SCUBE1: variants seen among roughly 807,000 people sequenced by gnomAD.
SCUBE1 encodes the protein signal peptide, CUB and EGF-like domain-containing protein 1.
SCUBE1 carries 59 observed loss-of-function variants against 124.4 expected under a neutral mutation model. The observed-to-expected ratio is 0.47, with a 90% CI of 0.38 to 0.59. The LOEUF (loss-of-function observed/expected upper bound fraction) is 0.59, where lower values mean the gene tolerates loss of function less well. Ranked by LOEUF, SCUBE1 falls within the 20% of genes least tolerant of loss-of-function variation. SCUBE1 has a pLI of 0.00. For missense variants in SCUBE1, 1,150 were observed against 1,371.2 expected, an observed-to-expected ratio of 0.84 and a Z score of 2.55; for synonymous variants, 545 against 550.9, an observed-to-expected ratio of 0.99 and a Z score of 0.15.
intron 3 of SCUBE1, among the ~76,000 whole-genome samples, chr22:43,319,078 G>C (rs1404381773): frequency 6.6e-6 from 1 of 152,106 alleles, no homozygotes; most frequent in Non-Finnish European, 1.5e-5. Flanking sequence ...AGAAGATGGA[G>C]GTATATAAAA....
chr22:43,238,662 C>T (rs1922868397), intron 7 of SCUBE1, 176 bp downstream of exon 7: 2 of 688,832 alleles, frequency 2.9e-6, no homozygotes. Flanking sequence ...TGCTGCTGGC[C>T]AGCCCTCCCT....
chr22:43,279,336 G>A (rs956555520), intron 4 of SCUBE1, among the ~76,000 whole-genome samples: 2 of 152,190 alleles, frequency 1.3e-5, no homozygotes, highest in Admixed American at 6.5e-5. Context: ...GACAGTGGCC[G>A]CCTCGGTGCA....
At chr22:43,253,225 A>T (rs1001513632) in intron 6 of SCUBE1, among the ~76,000 whole-genome samples, 2 of 152,224 alleles carry the variant, frequency 1.3e-5, no homozygotes, top group African/African-American at 4.8e-5. Context: ...TGGGGCCTGA[A>T]GTCCAACAGG....
rs17003585 is a variant in SCUBE1, at chr22:43,269,519, G to T, written c.485-6674C>A. ...GCCTCCTGAGGGTCGTTGCTATGGCGACTTCATCAATAACATCATTTTCTG... is the reference window on the plus strand; with the variant it reads ...GCCTCCTGAGGGTCGTTGCTATGGCTACTTCATCAATAACATCATTTTCTG... On this transcript the variant is annotated intron_variant, in intron 4 of 21. Transcript: ENST00000360835. Among the ~76,000 whole-genome samples the T allele has an allele frequency of 0.014, 2,204 of 152,238 alleles. 76 individuals carry two copies. The East Asian group carries it at 0.15, about 10-fold the overall frequency.
intron 12 of SCUBE1, among the ~76,000 whole-genome samples, chr22:43,222,350 A>C (rs1922124666): frequency 6.6e-6 from 1 of 152,212 alleles, no homozygotes; most frequent in Non-Finnish European, 1.5e-5. Flanking sequence ...ATACAGTCTG[A>C]GATCTGTGCA....
At chr22:43,221,091 G>T in intron 13 of SCUBE1, 82 bp downstream of exon 13, 2 of 1,030,638 alleles carry the variant, frequency 1.9e-6, no homozygotes, top group South Asian at 1.3e-5. Flanking sequence ...AGACTCGCTG[G>T]ACCCTGGGGC....
At chr22:43,268,452 G>A (rs934368263) in intron 4 of SCUBE1, among the ~76,000 whole-genome samples, 7 of 152,220 alleles carry the variant, frequency 4.6e-5, no homozygotes, top group Non-Finnish European at 1.0e-4. Flanking sequence ...CAGGCGGCCC[G>A]CCAGGTCGAA....
chr22:43,204,009 C>T lies in SCUBE1; in HGVS notation c.2955G>A (p.Arg985=). 1 of 1,614,134 alleles carries T rather than the reference C, an allele frequency of 6.2e-7. No individual in the cohort carries two copies. Among genetic ancestry groups the T allele is most frequent in the Non-Finnish European group, 8.5e-7 (1 of 1,180,012 alleles). Reference sequence around the variant, plus strand: ...CCGCTCCCCCCGGTTATTTGTAGGGCCGCAGGAACCGAGACACTTTGGAGC... The same window carrying T: ...CCGCTCCCCCCGGTTATTTGTAGGGTCGCAGGAACCGAGACACTTTGGAGC... ...LLRSKVSRFL[R]PYK Residue 985 remains arginine, a synonymous_variant, in exon 22 of 22, where the codon CGG becomes CGA. Transcript: ENST00000360835.
chr22:43,275,094 C>T (rs544531350), intron 4 of SCUBE1, among the ~76,000 whole-genome samples: 14 of 152,230 alleles, frequency 9.2e-5, no homozygotes, highest in Admixed American at 2.6e-4. Flanking sequence ...GATGTGGAGG[C>T]GAGGCTGGGC....
At chr22:43,261,153 C>T (rs778071276) in intron 5 of SCUBE1, among the ~76,000 whole-genome samples, 23 of 152,326 alleles carry the variant, frequency 1.5e-4, no homozygotes, top group Middle Eastern at 3.4e-3. Context: ...TCACACAACA[C>T]GGGGGACTGG....
chr22:43,199,241 A>G lies in SCUBE1; in HGVS notation c.*4756T>C, dbSNP rs186256406. 8 of 175,768 alleles carry G rather than the reference A, an allele frequency of 4.6e-5. No individual in the cohort carries two copies. In the East Asian group the frequency reaches 1.2e-3, roughly 26 times the overall value. 10.9% of individuals were successfully genotyped at this position (175,768 alleles called of 1,614,324 possible). On this transcript the variant is annotated 3_prime_UTR_variant, in exon 22 of 22. Transcript: ENST00000360835. ...TTTTTCTGCTGGGGGTGGTGGAGGC[A>G]CCGGAATAATATTCAACTCCAAAAA... is the stretch of plus-strand genomic sequence containing the variant.
At chr22:43,329,934 G>A (rs766041763) in intron 2 of SCUBE1, among the ~76,000 whole-genome samples, 1 of 152,096 alleles carries the variant, frequency 6.6e-6, no homozygotes, top group South Asian at 2.1e-4. Context: ...AATAAGAAGC[G>A]GCTAAGAGGA....
rs1396710012 is a variant in SCUBE1, at chr22:43,202,792, G to C, written c.*1205C>G. 1 of 152,306 alleles carries C rather than the reference G, an allele frequency of 6.6e-6. No homozygotes were observed. Among genetic ancestry groups the C allele is most frequent in the Non-Finnish European group, 1.5e-5 (1 of 68,112 alleles). 9.4% of individuals were successfully genotyped at this position (152,306 alleles called of 1,614,324 possible). On this transcript the variant is annotated 3_prime_UTR_variant, in exon 22 of 22. Coordinates refer to ENST00000360835, the MANE Select transcript of SCUBE1 (RefSeq NM_173050.5). The stretch of plus-strand genomic sequence containing the variant: ...TGGGGGTGGCATGGCGTAGCAAGAG[G>C]AGGCTGCACTGGGAGCCTGGCCTCT...
chr22:43,224,669 C>T (rs185721172), intron 10 of SCUBE1, among the ~76,000 whole-genome samples: 11 of 152,250 alleles, frequency 7.2e-5, no homozygotes, highest in South Asian at 4.1e-4. Flanking sequence ...TCTGCCAACA[C>T]GTGAAAGGAG....
intron 4 of SCUBE1, among the ~76,000 whole-genome samples, chr22:43,287,097 CTTA>C (rs1925176384): frequency 6.6e-6 from 1 of 152,118 alleles, no homozygotes; most frequent in Admixed American, 6.5e-5. Flanking sequence ...ATTGTCAGTA[CTTA>C]TTGGGCTAGG....
intron 7 of SCUBE1, among the ~76,000 whole-genome samples, chr22:43,236,268 C>A (rs1376468154): frequency 2.0e-5 from 3 of 152,222 alleles, no homozygotes; most frequent in Non-Finnish European, 4.4e-5. Flanking sequence ...AACCCTGGGG[C>A]TGGAGGCCAC....
intron 5 of SCUBE1, 109 bp downstream of exon 5, chr22:43,262,610 TG>T: frequency 2.3e-6 from 3 of 1,314,220 alleles, no homozygotes; most frequent in Non-Finnish European, 3.2e-6. Context: ...CTCCACCCCA[TG>T]GGGCTGGGGA....
Position 43,225,396 on chromosome 22 carries a change from G to A in SCUBE1, c.1207+1978C>T, listed in dbSNP as rs186002601. 5.3e-5 allele frequency among the ~76,000 whole-genome samples: 8 copies of A among 152,082 alleles called. No individual in the cohort carries two copies. In the East Asian group the frequency reaches 7.8e-4, roughly 15 times the overall value. On this transcript the variant is annotated intron_variant, in intron 10 of 21. Coordinates refer to ENST00000360835, the MANE Select transcript of SCUBE1 (RefSeq NM_173050.5). ...GATATCGCTGGATAGTTATTGTCCC[G>A]GATGATCAGATCTGTATCACAATGA...
chr22:43,204,683 A>G (rs1420606155), intron 21 of SCUBE1, among the ~76,000 whole-genome samples: 1 of 151,614 alleles, frequency 6.6e-6, no homozygotes, highest in African/African-American at 2.4e-5. Flanking sequence ...GGTGGCTCAC[A>G]CCTGTAATCC....
Sources: allele counts gnomAD v4.1 joint callset (sites outside exome capture counted in the v4.1 genomes callset), GRCh38; gene constraint gnomAD v4.1.1; transcripts MANE v1.5; gene names NCBI Gene and HGNC (gene_info 2026-07-23, HGNC 2026-07-21).